PIK3R6: variants seen among roughly 807,000 people sequenced by gnomAD.
PIK3R6 encodes phosphoinositide-3-kinase regulatory subunit 6, also known as phosphoinositide 3-kinase regulatory subunit 6.
In PIK3R6, 91 loss-of-function variants were observed where a neutral mutation model predicts 84.9. That is an observed-to-expected ratio of 1.07 (90% CI 0.90 to 1.28). The LOEUF is 1.28. Ranked by LOEUF, PIK3R6 falls within the 50% of genes most tolerant of loss-of-function variation. The pLI, the probability that PIK3R6 is intolerant of heterozygous loss-of-function variation, is 0.00. For missense variants in PIK3R6, 996 were observed against 985.1 expected, an observed-to-expected ratio of 1.01 and a Z score of -0.15; for synonymous variants, 416 against 411.4, an observed-to-expected ratio of 1.01 and a Z score of -0.13.
chr17:8,803,929 T>C lies in PIK3R6; in HGVS notation c.2108+112A>G. Reference sequence around the variant, plus strand: ...CAAGGTTACCTGCCTGGCCACAGGATCTACCTCCGATGAGGTGCCTTGAGC... The same window carrying C: ...CAAGGTTACCTGCCTGGCCACAGGACCTACCTCCGATGAGGTGCCTTGAGC... On this transcript the variant is annotated intron_variant, in intron 19 of 19. Coordinates refer to ENST00000619866, the MANE Select transcript of PIK3R6 (RefSeq NM_001010855.4). The surrounding 1 kb of genome is among the most constrained non-coding windows in gnomAD (Gnocchi z 5.0). 1.1e-6 allele frequency: 1 copy of C among 911,818 alleles called. No individual in the cohort carries two copies. The highest frequency in any genetic ancestry group is 1.6e-5 in the African/African-American group (1 of 60,874). The allele number at this position is 911,818 out of a possible 1,614,324, so 56.5% of individuals were successfully genotyped here.
chr17:8,856,662 C>T (rs540471810), intron 1 of PIK3R6, among the ~76,000 whole-genome samples: 18 of 152,224 alleles, frequency 1.2e-4, no homozygotes, highest in Non-Finnish European at 1.8e-4. Context: ...TCCGATTTCC[C>T]CAGTTTCACC....
At chr17:8,859,821 G>T (rs2089229203) in intron 1 of PIK3R6, among the ~76,000 whole-genome samples, 1 of 152,098 alleles carries the variant, frequency 6.6e-6, no homozygotes. Context: ...ACTTTCCTGG[G>T]CCTCTAGTTT....
At chr17:8,858,342 G>A (rs1210779676) in intron 1 of PIK3R6, among the ~76,000 whole-genome samples, 2 of 95,146 alleles carry the variant, frequency 2.1e-5, no homozygotes, top group Admixed American at 2.8e-4. Flanking sequence ...TTTTGAGACA[G>A]TTTTGCTCTT....
At position 8,812,308 on chromosome 17, in the gene PIK3R6, G is replaced by A. The variant is rs76290160; in HGVS notation, c.1995+6775C>T. Among the ~76,000 whole-genome samples the A allele has an allele frequency of 6.1e-3, 934 of 152,294 alleles. 11 individuals carry two copies. Among genetic ancestry groups the A allele is most frequent in the African/African-American group, 0.021 (890 of 41,564 alleles). ...TCAGACACCAATAGAATAATAGAGG[G>A]AGACTTTAGTACTCCATTGATGCAC... On this transcript the variant is annotated intron_variant, in intron 18 of 19. Coordinates refer to ENST00000619866, the MANE Select transcript of PIK3R6 (RefSeq NM_001010855.4).
At chr17:8,806,711 T>C (rs73973214) in intron 18 of PIK3R6, among the ~76,000 whole-genome samples, 5,906 of 152,326 alleles carry the variant, frequency 0.039, 390 homozygotes, top group African/African-American at 0.13. Flanking sequence ...CCAGTTCTTC[T>C]GTTTCTGCTT....
At chr17:8,861,241 T>A (rs1038875985) in intron 1 of PIK3R6, among the ~76,000 whole-genome samples, 1 of 151,350 alleles carries the variant, frequency 6.6e-6, no homozygotes, top group Admixed American at 6.6e-5. Context: ...ATGTTCTATA[T>A]TGTGGTTCAA....
At chr17:8,813,425 T>A (rs1307528619) in intron 18 of PIK3R6, among the ~76,000 whole-genome samples, 3 of 152,142 alleles carry the variant, frequency 2.0e-5, no homozygotes, top group Non-Finnish European at 4.4e-5. Context: ...GTCACTCTGA[T>A]ACCAAAGCTA....
Position 8,818,064 on chromosome 17 carries a change from G to A in PIK3R6, c.1995+1019C>T, listed in dbSNP as rs1393006013. On this transcript the variant is annotated intron_variant, in intron 18 of 19. Transcript: ENST00000619866. ...GCCTGGAGGGGGAGGGGGAGGAAAGGGCTGAGTGATCCCAAGGATCCGCGT... is the reference window on the plus strand; with the variant it reads ...GCCTGGAGGGGGAGGGGGAGGAAAGAGCTGAGTGATCCCAAGGATCCGCGT... 2.0e-5 allele frequency among the ~76,000 whole-genome samples: 3 copies of A among 152,194 alleles called. No individual in the cohort carries two copies. In the East Asian group the frequency reaches 5.8e-4, roughly 29 times the overall value.
chr17:8,833,257 G>T (rs1011401185), intron 8 of PIK3R6, among the ~76,000 whole-genome samples: 1 of 152,226 alleles, frequency 6.6e-6, no homozygotes, highest in African/African-American at 2.4e-5. Flanking sequence ...CCCCTCACAC[G>T]CTATTATGGG....
At chr17:8,824,428 C>G (rs1180597249) in intron 13 of PIK3R6, among the ~76,000 whole-genome samples, 1 of 152,194 alleles carries the variant, frequency 6.6e-6, no homozygotes, top group Non-Finnish European at 1.5e-5. Context: ...GAAGGAAGCT[C>G]AGAGTTGATC....
At chr17:8,826,937 T>G (rs1184065349) in intron 13 of PIK3R6, among the ~76,000 whole-genome samples, 3 of 152,192 alleles carry the variant, frequency 2.0e-5, no homozygotes, top group Non-Finnish European at 4.4e-5. Flanking sequence ...ACGAGCCTGG[T>G]AAGTGTCCCG....
chr17:8,817,487 C>CA (rs1279940989), intron 18 of PIK3R6, among the ~76,000 whole-genome samples: 2 of 151,922 alleles, frequency 1.3e-5, no homozygotes, highest in African/African-American at 4.8e-5. Context: ...ACTAAAAATA[C>CA]AAAAATTAGC....
intron 1 of PIK3R6, among the ~76,000 whole-genome samples, chr17:8,854,592 G>A (rs1239682220): frequency 1.3e-5 from 2 of 152,218 alleles, no homozygotes; most frequent in Non-Finnish European, 2.9e-5. Context: ...GCAAGTCAAT[G>A]GAGAAAGGAG....
In PIK3R6 at chr17:8,829,809, G is replaced by T. The variant is rs1281830726; in HGVS notation, c.803-17C>A. ...CAAGGTCACCTGCAGAAAGGAGCAG[G>T]CTGTGGAGGCCATGGAGGAGGCCAT... On this transcript the variant is annotated splice_polypyrimidine_tract_variant and intron_variant, in intron 9 of 19. Transcript: ENST00000619866. The T allele has an allele frequency of 6.5e-7, 1 of 1,545,784 alleles. No individual in the cohort carries two copies.
chr17:8,864,029 T>C (rs1026492437), intron 1 of PIK3R6, among the ~76,000 whole-genome samples: 2 of 152,134 alleles, frequency 1.3e-5, no homozygotes, highest in African/African-American at 4.8e-5. Context: ...TGGGGGACAC[T>C]AGGAAGATGT....
rs2088767039 is a variant in PIK3R6 at position 8,844,393 on chromosome 17, G to C, written c.14-4696C>G. On this transcript the variant is annotated intron_variant, in intron 2 of 19. Coordinates refer to ENST00000619866, the MANE Select transcript of PIK3R6 (RefSeq NM_001010855.4). The surrounding 1 kb of genome is among the most constrained non-coding windows in gnomAD (Gnocchi z 4.5). ...TTCATCCTAACCTTGGAATATGAGA[G>C]GTTGAAGCTGGTTTTGATTTGATTA... 6.6e-6 allele frequency among the ~76,000 whole-genome samples: 1 copy of C among 152,198 alleles called. No individual in the cohort carries two copies. The highest frequency in any genetic ancestry group is 2.4e-5 in the African/African-American group (1 of 41,442).
rs1382520928 is a variant in PIK3R6 at position 8,819,766 on chromosome 17, GTATA to G, written c.1880-572_1880-569del. Among the ~76,000 whole-genome samples the G allele has an allele frequency of 3.0e-5, 4 of 135,414 alleles. No individual in the cohort carries two copies. The Admixed American group carries it at 3.0e-4, about 10-fold the overall frequency. 88.8% of individuals were successfully genotyped at this position (135,414 alleles called of 152,430 possible). A position where few individuals can be genotyped will look rare whatever the true frequency, so the allele number is the denominator to read the frequency against. On this transcript the variant is annotated intron_variant, in intron 17 of 19. Coordinates refer to ENST00000619866, the MANE Select transcript of PIK3R6 (RefSeq NM_001010855.4). ...TATATATACATACACACGTATATAT[GTATA>G]TATACGCACACATATATATGTGTAT...
At chr17:8,829,504 ACACACT>A (rs2088125801) in intron 10 of PIK3R6, among the ~76,000 whole-genome samples, 196 bp downstream of exon 10, 1 of 61,952 alleles carries the variant, frequency 1.6e-5, no homozygotes, top group African/African-American at 6.7e-5. Context: ...ACACACTGAC[ACACACT>A]CATGCATACA....
At chr17:8,841,994 CCT>C (rs908554911) in intron 2 of PIK3R6, among the ~76,000 whole-genome samples, 1 of 151,970 alleles carries the variant, frequency 6.6e-6, no homozygotes, top group Non-Finnish European at 1.5e-5. Flanking sequence ...TATTTGTTCC[CCT>C]GAGAACTGGT....
Sources: allele counts gnomAD v4.1 joint callset (sites outside exome capture counted in the v4.1 genomes callset), GRCh38; gene constraint gnomAD v4.1.1; non-coding constraint Gnocchi (gnomAD v3.1); transcripts MANE v1.5; gene names NCBI Gene and HGNC (gene_info 2026-07-23, HGNC 2026-07-21).